FGD5: variants seen among roughly 807,000 people sequenced by gnomAD.
The protein encoded by FGD5 is FYVE, RhoGEF and PH domain containing 5.
FGD5 carries 28 observed loss-of-function variants against 133.4 expected under a neutral mutation model. The observed-to-expected ratio is 0.21, with a 90% CI of 0.16 to 0.29. FGD5 has a LOEUF of 0.29. Ranked by LOEUF, FGD5 falls within the 10% of genes least tolerant of loss-of-function variation. The pLI is 1.00. For synonymous variants in FGD5, 810 were observed against 776.5 expected (o/e 1.04, Z -0.72); for missense variants, 1,858 against 1,895.2 (o/e 0.98, Z 0.36).
At chr3:14,836,028 G>C (rs1077535) in intron 1 of FGD5, among the ~76,000 whole-genome samples, 2 of 151,954 alleles carry the variant, frequency 1.3e-5, no homozygotes, top group Non-Finnish European at 2.9e-5. Flanking sequence ...GCTCCAGAGC[G>C]CTGTCCAGGA....
In FGD5 at chr3:14,900,493, G is replaced by T. The variant is rs774157487; in HGVS notation, c.3205+40G>T. On this transcript the variant is annotated intron_variant, in intron 8 of 19. Transcript: ENST00000285046. ...AATGCGGAGGGAGGTACTCAAGCCT[G>T]CTCTGCCTCCTTGCGCCAAAGCCTG... 6 of 1,607,080 alleles carry T rather than the reference G, an allele frequency of 3.7e-6. No individual in the cohort carries two copies. In the South Asian group the frequency reaches 6.7e-5, roughly 18 times the overall value.
intron 1 of FGD5, among the ~76,000 whole-genome samples, chr3:14,832,605 C>G (rs1374986354): frequency 6.6e-6 from 1 of 152,072 alleles, no homozygotes; most frequent in Non-Finnish European, 1.5e-5. Context: ...GAAGAGAAAA[C>G]TGAGGTTCAG....
chr3:14,848,131 G>T (rs947098644), intron 1 of FGD5, among the ~76,000 whole-genome samples: 2 of 152,186 alleles, frequency 1.3e-5, no homozygotes, highest in African/African-American at 2.4e-5. Context: ...GAGGTGGGTG[G>T]AGGAGGGGCA....
At chr3:14,866,206 C>T (rs2037490372) in intron 2 of FGD5, among the ~76,000 whole-genome samples, 1 of 152,282 alleles carries the variant, frequency 6.6e-6, no homozygotes, top group East Asian at 1.9e-4. Flanking sequence ...AGTCATTCCC[C>T]ATCTCTGAAA....
intron 11 of FGD5, among the ~76,000 whole-genome samples, chr3:14,914,519 A>G (rs920820919): frequency 5.9e-5 from 9 of 152,200 alleles, no homozygotes; most frequent in Non-Finnish European, 1.2e-4. Context: ...CGGGGTGCTC[A>G]TGGCAGTTGC....
intron 18 of FGD5, chr3:14,932,290 C>T (rs745604992): frequency 1.3e-4 from 33 of 257,180 alleles, no homozygotes; most frequent in Non-Finnish European, 2.1e-4. Flanking sequence ...ACCATGTAGG[C>T]CAGGCTGGTC....
intron 1 of FGD5, among the ~76,000 whole-genome samples, chr3:14,842,884 T>TA (rs1559476517): frequency 6.6e-6 from 1 of 152,182 alleles, no homozygotes. Context: ...GACAGAAAGG[T>TA]GGGTGTCAAA....
chr3:14,837,316 A>G (rs2036834527), intron 1 of FGD5, among the ~76,000 whole-genome samples: 1 of 152,130 alleles, frequency 6.6e-6, no homozygotes, highest in African/African-American at 2.4e-5. Flanking sequence ...TTGAGGCTGG[A>G]GTTTGGCTTG....
chr3:14,813,593 TA>T (rs1452573071), intron 1 of FGD5, among the ~76,000 whole-genome samples: 1 of 152,186 alleles, frequency 6.6e-6, no homozygotes, highest in Non-Finnish European at 1.5e-5. Flanking sequence ...GAGGGTGTCT[TA>T]AGAAGAGCCA....
chr3:14,812,409 G>A (rs937270523), intron 1 of FGD5, among the ~76,000 whole-genome samples: 1 of 152,296 alleles, frequency 6.6e-6, no homozygotes, highest in South Asian at 2.1e-4. Context: ...TGGTGAGAGC[G>A]TTTCCAGTTT....
In FGD5 at chr3:14,861,292, C is replaced by T. The variant is rs147101183; in HGVS notation, c.2526-2836C>T. ...ATTCTGAATGTCTGATGTTATGTAA[C>T]TCACTGTTAACTGAGCACTGCTGAG... is the stretch of plus-strand genomic sequence containing the variant. On this transcript the variant is annotated intron_variant, in intron 1 of 19. Transcript: ENST00000285046. Among the ~76,000 whole-genome samples the T allele has an allele frequency of 9.3e-3, 1,415 of 152,236 alleles. 18 individuals are homozygous for T. Among genetic ancestry groups the T allele is most frequent in the African/African-American group, 0.032 (1,324 of 41,528 alleles).
At position 14,924,203 on chromosome 3, in the gene FGD5, T is replaced by C. The variant is rs1235557766; in HGVS notation, c.4068+65T>C. On this transcript the variant is annotated intron_variant, in intron 17 of 19. Coordinates refer to ENST00000285046, the MANE Select transcript of FGD5 (RefSeq NM_152536.4). ...TTGGAAGGTTCATGGTCATCCTGGG[T>C]AGACGGAGTCAGACCCTGCCCTGTC... 3.1e-6 allele frequency: 5 copies of C among 1,610,624 alleles called. No homozygotes were observed. In the African/African-American group the frequency reaches 6.7e-5, roughly 22 times the overall value.
upstream of FGD5, among the ~76,000 whole-genome samples, chr3:14,817,188 G>A (rs1007977433): frequency 1.3e-5 from 2 of 152,040 alleles, no homozygotes; most frequent in African/African-American, 4.8e-5. Flanking sequence ...AAAATATATC[G>A]TTAAAATTAC....
At chr3:14,881,818 G>A (rs1559491770) in intron 4 of FGD5, among the ~76,000 whole-genome samples, 1 of 152,194 alleles carries the variant, frequency 6.6e-6, no homozygotes, top group Admixed American at 6.5e-5. Flanking sequence ...AGGTCTCCTG[G>A]CTCCCAGGCC....
At chr3:14,883,832 G>A (rs1457095944) in intron 4 of FGD5, among the ~76,000 whole-genome samples, 1 of 152,198 alleles carries the variant, frequency 6.6e-6, no homozygotes. Context: ...AGGGGCATGA[G>A]GGAGGGAAAG....
intron 4 of FGD5, among the ~76,000 whole-genome samples, chr3:14,885,328 G>C (rs376335060): frequency 1.3e-5 from 2 of 151,804 alleles, no homozygotes; most frequent in East Asian, 2.0e-4. Context: ...TCAGCTGTTC[G>C]GTCCAGAGTA....
intron 1 of FGD5, among the ~76,000 whole-genome samples, chr3:14,856,131 C>T (rs1419659698): frequency 1.3e-5 from 2 of 151,994 alleles, no homozygotes; most frequent in Non-Finnish European, 2.9e-5. Context: ...TTTAGACTGT[C>T]CTTTCTCCAG....
chr3:14,810,865 G>C, exon 1 of FGD5: 1 of 985,066 alleles, frequency 1.0e-6, no homozygotes, highest in Non-Finnish European at 1.2e-6. Flanking sequence ...GAACAGAGCA[G>C]GTAGGAGGCC....
In FGD5 at chr3:14,900,942, A is replaced by G. The variant is rs569115641; in HGVS notation, c.3206-61A>G. On this transcript the variant is annotated intron_variant, in intron 8 of 19. Coordinates refer to ENST00000285046, the MANE Select transcript of FGD5 (RefSeq NM_152536.4). ...CTTGAGGCCTGTGACCTGACACTAC[A>G]GTGGGGAAAATTGATGCCCCTCTTG... 5.8e-4 allele frequency: 924 copies of G among 1,598,030 alleles called. 8 individuals are homozygous for G. The South Asian group carries it at 6.3e-3, about 11-fold the overall frequency.
Sources: allele counts gnomAD v4.1 joint callset (sites outside exome capture counted in the v4.1 genomes callset), GRCh38; gene constraint gnomAD v4.1.1; transcripts MANE v1.5; gene names NCBI Gene and HGNC (gene_info 2026-07-23, HGNC 2026-07-21).